Variants in ZNF469 observed in about 807,000 individuals in gnomAD.
The protein encoded by ZNF469 is zinc finger protein 469.
A neutral mutation model predicts 1.0 loss-of-function variants in ZNF469; 1 was observed. The observed-to-expected ratio is 1.00, with a 90% CI of 0.35 to 4.73. The LOEUF (loss-of-function observed/expected upper bound fraction) is 4.73, where lower values mean the gene tolerates loss of function less well. Ranked by LOEUF, ZNF469 falls within the 30% of genes most tolerant of loss-of-function variation. The probability of loss-of-function intolerance (pLI) is 0.16; values close to 1 mark genes in which losing one functional copy is unlikely to be tolerated. For synonymous variants in ZNF469, 2,703 were observed against 2,363.4 expected (o/e 1.14, Z -4.17); for missense variants, 6,100 against 5,356.3 (o/e 1.14, Z -4.33).
the ZNF469 span, among the ~76,000 whole-genome samples, chr16:88,102,945 G>A: frequency 6.6e-6 from 1 of 152,256 alleles, no homozygotes; most frequent in African/African-American, 2.4e-5. Flanking sequence ...CAAGATGAGG[G>A]TGTTCAAAGA....
the ZNF469 span, among the ~76,000 whole-genome samples, chr16:88,334,052 C>T: frequency 0.49 from 74,050 of 149,754 alleles, 18,748 homozygotes; most frequent in African/African-American, 0.64. Flanking sequence ...CTCTGTGTGT[C>T]TGTGTCTGTG....
the ZNF469 span, among the ~76,000 whole-genome samples, chr16:88,333,694 A>G: frequency 6.6e-6 from 1 of 152,252 alleles, no homozygotes; most frequent in African/African-American, 2.4e-5. Context: ...CTGCCTGCCC[A>G]GGGAAGGCAT....
the ZNF469 span, among the ~76,000 whole-genome samples, chr16:88,198,533 T>A: frequency 6.6e-6 from 1 of 152,242 alleles, no homozygotes; most frequent in Non-Finnish European, 1.5e-5. Flanking sequence ...AGGAGCTGAA[T>A]TTTAAATTGT....
chr16:88,347,342 C>T, the ZNF469 span, among the ~76,000 whole-genome samples: 1 of 152,162 alleles, frequency 6.6e-6, no homozygotes, highest in Admixed American at 6.5e-5. Flanking sequence ...CAAGTGAAGA[C>T]ATGGTCATTA....
At chr16:88,347,574 C>G in the ZNF469 span, among the ~76,000 whole-genome samples, 1 of 152,128 alleles carries the variant, frequency 6.6e-6, no homozygotes, top group Non-Finnish European at 1.5e-5. Context: ...GATAAACTCC[C>G]GTTTTAACCA....
At chr16:88,366,699 CA>C in the ZNF469 span, among the ~76,000 whole-genome samples, 3 of 151,810 alleles carry the variant, frequency 2.0e-5, no homozygotes, top group Non-Finnish European at 2.9e-5. Flanking sequence ...TCATCATCAT[CA>C]CCATCACCAT....
the ZNF469 span, among the ~76,000 whole-genome samples, chr16:88,143,303 G>A: frequency 1.5e-4 from 23 of 152,260 alleles, no homozygotes; most frequent in Non-Finnish European, 1.5e-4. Flanking sequence ...ATAGGTTAGC[G>A]TGCTTAACGC....
chr16:88,430,254 C>T lies in ZNF469; in HGVS notation c.2784C>T (p.Ser928=). 6.6e-7 allele frequency: 1 copy of T among 1,525,086 alleles called. No individual in the cohort carries two copies. The allele number at this position is 1,525,086 out of a possible 1,614,324, so 94.5% of individuals were successfully genotyped here. The part of the protein sequence containing the change: ...CPARGRPKTR[S]LGLAPTEADA... ...CCCGAGGCAGGCCCAAAACGCGTTCCCTGGGTCTGGCCCCCACCGAGGCGG... is the reference window on the plus strand; with the variant it reads ...CCCGAGGCAGGCCCAAAACGCGTTCTCTGGGTCTGGCCCCCACCGAGGCGG... Residue 928 remains serine (S), a synonymous_variant, in exon 3 of 3, where the codon TCC becomes TCT. Transcript: ENST00000565624.
the ZNF469 span, among the ~76,000 whole-genome samples, chr16:88,346,176 G>A: frequency 3.3e-5 from 5 of 152,308 alleles, no homozygotes; most frequent in South Asian, 4.2e-4. Context: ...GGGAGTTCTC[G>A]GCTCCATCCC....
the ZNF469 span, among the ~76,000 whole-genome samples, chr16:88,351,307 G>A: frequency 1.3e-5 from 2 of 152,198 alleles, no homozygotes; most frequent in African/African-American, 2.4e-5. Flanking sequence ...CATACAATGA[G>A]GACGTTAAAT....
the ZNF469 span, among the ~76,000 whole-genome samples, chr16:88,251,575 T>TTTTTTTTTTTTTTG: frequency 8.9e-6 from 1 of 112,650 alleles, no homozygotes; most frequent in Non-Finnish European, 1.8e-5. Context: ...TTTTTTTTTT[T>TTTTTTTTTTTTTTG]TGAGATGGAG....
the ZNF469 span, among the ~76,000 whole-genome samples, chr16:88,148,393 A>G: frequency 6.6e-6 from 1 of 152,180 alleles, no homozygotes; most frequent in African/African-American, 2.4e-5. Context: ...CAATGGCCCA[A>G]GGAGAGCGGA....
chr16:88,231,486 T>G, the ZNF469 span, among the ~76,000 whole-genome samples: 2 of 151,880 alleles, frequency 1.3e-5, no homozygotes, highest in Non-Finnish European at 2.9e-5. The surrounding 1 kb of genome is among the most constrained non-coding windows in gnomAD (Gnocchi z 4.5). Context: ...GCTCTGGAGG[T>G]CAGAAGTCTG....
the ZNF469 span, among the ~76,000 whole-genome samples, chr16:88,308,545 G>A: frequency 6.6e-6 from 1 of 152,184 alleles, no homozygotes; most frequent in Admixed American, 6.5e-5. Flanking sequence ...TCTCTGCAGA[G>A]CACCCAGCAT....
the ZNF469 span, among the ~76,000 whole-genome samples, chr16:88,168,213 C>T: frequency 9.8e-5 from 15 of 152,356 alleles, no homozygotes; most frequent in African/African-American, 3.4e-4. The surrounding 1 kb of genome is among the most constrained non-coding windows in gnomAD (Gnocchi z 4.3). Context: ...CTTCAAAAGA[C>T]TGAAGTTTGG....
the ZNF469 span, among the ~76,000 whole-genome samples, chr16:88,269,353 C>T: frequency 6.6e-6 from 1 of 151,972 alleles, no homozygotes; most frequent in Non-Finnish European, 1.5e-5. Flanking sequence ...TGCACCCGGA[C>T]GGCCGGGCCT....
At chr16:88,215,856 T>C in the ZNF469 span, among the ~76,000 whole-genome samples, 1 of 152,230 alleles carries the variant, frequency 6.6e-6, no homozygotes, top group African/African-American at 2.4e-5. Context: ...TTTTATGTTT[T>C]TGTGGTCTTG....
At chr16:88,240,200 T>G in the ZNF469 span, among the ~76,000 whole-genome samples, 13 of 152,184 alleles carry the variant, frequency 8.5e-5, no homozygotes, top group Non-Finnish European at 1.3e-4. Context: ...TCCCGGTCAT[T>G]TCTGGAGGTC....
the ZNF469 span, among the ~76,000 whole-genome samples, chr16:88,324,200 C>A: frequency 7.2e-5 from 11 of 152,236 alleles, no homozygotes; most frequent in African/African-American, 2.7e-4. Flanking sequence ...TCCCAAGAGG[C>A]AGGAAGTAGA....
Sources: allele counts gnomAD v4.1 joint callset (sites outside exome capture counted in the v4.1 genomes callset), GRCh38; gene constraint gnomAD v4.1.1; non-coding constraint Gnocchi (gnomAD v3.1); transcripts MANE v1.5; gene names NCBI Gene and HGNC (gene_info 2026-07-23, HGNC 2026-07-21).